The following KIF13A variants were observed in gnomAD, a reference collection of about 807,000 sequenced individuals.
KIF13A encodes the protein kinesin-like protein KIF13A.
In KIF13A, 79 loss-of-function variants were observed where a neutral mutation model predicts 212.2. That is an observed-to-expected ratio of 0.37 (90% CI 0.31 to 0.45). The LOEUF (loss-of-function observed/expected upper bound fraction) is 0.45. Among genes scored for constraint, KIF13A ranks in the 20% least tolerant of loss-of-function variants. The pLI, the probability that KIF13A is intolerant of heterozygous loss-of-function variation, is 1.00. For missense variants in KIF13A, 1,901 were observed against 2,209.0 expected, an observed-to-expected ratio of 0.86 and a Z score of 2.79; for synonymous variants, 789 against 808.6, an observed-to-expected ratio of 0.98 and a Z score of 0.41.
At position 17,777,983 on chromosome 6, in the gene KIF13A, C is replaced by CA. The variant is rs1760154295; in HGVS notation, c.4093-630dup. Reference sequence around the variant, plus strand: ...AAAACCCTGTTTCTACTAAAAAATACAAAAATTAGCTGGGCATGGTGGTGG... The same window carrying CA: ...AAAACCCTGTTTCTACTAAAAAATACAAAAAATTAGCTGGGCATGGTGGTGG... On this transcript the variant is annotated intron_variant, in intron 33 of 38. Coordinates refer to ENST00000259711, the MANE Select transcript of KIF13A (RefSeq NM_022113.6). The surrounding 1 kb of genome is among the most constrained non-coding windows in gnomAD (Gnocchi z 4.4). Among the ~76,000 whole-genome samples the CA allele has an allele frequency of 6.6e-6, 1 of 151,780 alleles. No homozygotes were observed. Among genetic ancestry groups the CA allele is most frequent in the African/African-American group, 2.4e-5 (1 of 41,310 alleles).
chr6:17,795,838 G>A (rs921085484), intron 23 of KIF13A, among the ~76,000 whole-genome samples: 7 of 152,074 alleles, frequency 4.6e-5, no homozygotes, highest in Non-Finnish European at 1.0e-4. Context: ...TTCTTCCATG[G>A]TTAGCACTTT....
Position 17,856,198 on chromosome 6 carries a change from T to C in KIF13A, c.221-76A>G. 9.9e-7 allele frequency: 1 copy of C among 1,010,792 alleles called. No individual in the cohort carries two copies. Among genetic ancestry groups the C allele is most frequent in the Non-Finnish European group, 1.5e-6 (1 of 663,476 alleles). 62.6% of individuals were successfully genotyped at this position (1,010,792 alleles called of 1,614,324 possible). A position where few individuals can be genotyped will look rare whatever the true frequency, so the allele number is the denominator to read the frequency against. On this transcript the variant is annotated intron_variant, in intron 4 of 38. Coordinates refer to ENST00000259711, the MANE Select transcript of KIF13A (RefSeq NM_022113.6). This position sits in a 1 kb window ranked among gnomAD's most constrained non-coding sequence, Gnocchi z 4.5. Reference sequence around the variant, plus strand: ...GACATATTTGTGTTAGTAACAATATTATGTCAATTCAAAAAAATGTTAAAA... The same window carrying C: ...GACATATTTGTGTTAGTAACAATATCATGTCAATTCAAAAAAATGTTAAAA...
rs1373646441 is a variant in KIF13A at position 17,825,452 on chromosome 6, G to T, written c.1786+316C>A. The stretch of plus-strand genomic sequence containing the variant: ...TCAAGGATTCAGATATGACAGGCTC[G>T]ATGATGAGAAATTTGGTAAGGAATT... On this transcript the variant is annotated intron_variant, in intron 16 of 38. Transcript: ENST00000259711. The surrounding 1 kb of genome is among the most constrained non-coding windows in gnomAD (Gnocchi z 4.5). Among the ~76,000 whole-genome samples, 1 of 152,072 alleles carries T rather than the reference G, an allele frequency of 6.6e-6. No individual in the cohort carries two copies. The highest frequency in any genetic ancestry group is 2.4e-5 in the African/African-American group (1 of 41,392).
intron 2 of KIF13A, among the ~76,000 whole-genome samples, chr6:17,939,774 C>G (rs777584261): frequency 6.6e-6 from 1 of 152,018 alleles, no homozygotes; most frequent in Non-Finnish European, 1.5e-5. Context: ...CTCACCTGGC[C>G]GGGCGTAGTG....
In KIF13A at chr6:17,825,025, AG is replaced by A. The variant is rs1764844518; in HGVS notation, c.1786+742del. On this transcript the variant is annotated intron_variant, in intron 16 of 38. Coordinates refer to ENST00000259711, the MANE Select transcript of KIF13A (RefSeq NM_022113.6). The surrounding 1 kb of genome is among the most constrained non-coding windows in gnomAD (Gnocchi z 4.5). ...GAAATGTCATCTTGTGGTTGGTAAC[AG>A]GTGAACATTGCTTCTGGCTTCTAAG... 6.6e-6 allele frequency among the ~76,000 whole-genome samples: 1 copy of A among 152,210 alleles called. No individual in the cohort carries two copies. The highest frequency in any genetic ancestry group is 2.4e-5 in the African/African-American group (1 of 41,450).
intron 16 of KIF13A, among the ~76,000 whole-genome samples, chr6:17,824,041 A>G (rs10949455): frequency 0.46 from 68,657 of 149,424 alleles, 15,980 homozygotes; most frequent in South Asian, 0.54. Flanking sequence ...CCGAGTAGCT[A>G]GGATTACAGC....
intron 33 of KIF13A, among the ~76,000 whole-genome samples, chr6:17,778,128 ACT>A (rs755724038): frequency 1.3e-5 from 2 of 152,188 alleles, no homozygotes; most frequent in Admixed American, 6.5e-5. Flanking sequence ...ACAGAGCAAG[ACT>A]CTGTCTCAAA....
Position 17,850,470 on chromosome 6 carries a change from C to T in KIF13A, c.583-13G>A. ...ATGACTCAATATCCTAGGGGCAAAG[C>T]ATAAGGAAAAGACCATAAGCAAAAA... On this transcript the variant is annotated splice_polypyrimidine_tract_variant and intron_variant, in intron 7 of 38. Coordinates refer to ENST00000259711, the MANE Select transcript of KIF13A (RefSeq NM_022113.6). The surrounding 1 kb of genome is among the most constrained non-coding windows in gnomAD (Gnocchi z 6.2). 5.0e-6 allele frequency: 8 copies of T among 1,606,694 alleles called. No individual in the cohort carries two copies. Among genetic ancestry groups the T allele is most frequent in the Non-Finnish European group, 6.8e-6 (8 of 1,176,306 alleles).
chr6:17,960,356 T>C (rs1034921498), intron 2 of KIF13A, among the ~76,000 whole-genome samples: 1 of 152,236 alleles, frequency 6.6e-6, no homozygotes, highest in African/African-American at 2.4e-5. Flanking sequence ...CACCAATGTT[T>C]GTTGACTAAA....
In KIF13A at chr6:17,826,731, A is replaced by G. The variant is rs1348190794; in HGVS notation, c.1533-607T>C. 2.0e-5 allele frequency among the ~76,000 whole-genome samples: 3 copies of G among 152,196 alleles called. No homozygotes were observed. Among genetic ancestry groups the G allele is most frequent in the Non-Finnish European group, 4.4e-5 (3 of 68,036 alleles). ...AAACAACTGAAAAAGAAAACTGATG[A>G]GACAACTGGGGAAATCTGAACACTG... On this transcript the variant is annotated intron_variant, in intron 14 of 38. Transcript: ENST00000259711. This position sits in a 1 kb window ranked among gnomAD's most constrained non-coding sequence, Gnocchi z 4.7.
intron 18 of KIF13A, 34 bp downstream of exon 18, chr6:17,808,734 G>T: frequency 6.3e-7 from 1 of 1,588,150 alleles, no homozygotes; most frequent in Non-Finnish European, 8.6e-7. Context: ...TTACTATTGT[G>T]CATCTTGCCC....
At chr6:17,944,910 T>A (rs1777255670) in intron 2 of KIF13A, among the ~76,000 whole-genome samples, 1 of 152,182 alleles carries the variant, frequency 6.6e-6, no homozygotes, top group Non-Finnish European at 1.5e-5. Context: ...ACAAAGTTAC[T>A]GCCTGTAAGT....
chr6:17,880,961 T>A (rs767587885), intron 3 of KIF13A, among the ~76,000 whole-genome samples: 2 of 152,170 alleles, frequency 1.3e-5, no homozygotes, highest in Admixed American at 6.5e-5. Flanking sequence ...CAACCAAGTA[T>A]AAATTTTACA....
Position 17,898,124 on chromosome 6 carries a change from C to T in KIF13A, c.159+44G>A, listed in dbSNP as rs930177754. 61 of 1,592,700 alleles carry T rather than the reference C, an allele frequency of 3.8e-5. No individual in the cohort carries two copies. Among genetic ancestry groups the T allele is most frequent in the Non-Finnish European group, 5.1e-5 (59 of 1,165,220 alleles). The stretch of plus-strand genomic sequence containing the variant: ...TACAGTGATAAATCCTGGATTTTTG[C>T]ACACTAAGCCAGTATACATGCCAAA... On this transcript the variant is annotated intron_variant, in intron 3 of 38. Transcript: ENST00000259711. The surrounding 1 kb of genome is among the most constrained non-coding windows in gnomAD (Gnocchi z 5.2).
rs141828095 is a variant in KIF13A at position 17,856,234 on chromosome 6, G to A, written c.221-112C>T. ...AAAAAAATGTTAAAAGTGTAGTACC[G>A]AGTGCCCACTAAGTACAGGGCTGTG... On this transcript the variant is annotated intron_variant, in intron 4 of 38. Transcript: ENST00000259711. This position sits in a 1 kb window ranked among gnomAD's most constrained non-coding sequence, Gnocchi z 4.5. 7.0e-6 allele frequency: 5 copies of A among 709,784 alleles called. No individual in the cohort carries two copies. Among genetic ancestry groups the A allele is most frequent in the Admixed American group, 4.8e-5 (2 of 41,450 alleles). 44.0% of individuals were successfully genotyped at this position (709,784 alleles called of 1,614,324 possible).
At position 17,961,124 on chromosome 6, in the gene KIF13A, T is replaced by A. The variant is rs898479219; in HGVS notation, c.146+25930A>T. Reference sequence around the variant, plus strand: ...AGAAAGATTCTTAAAGGAAGACGTATGCTGAAACATCCAAAAGGAACCAAT... The same window carrying A: ...AGAAAGATTCTTAAAGGAAGACGTAAGCTGAAACATCCAAAAGGAACCAAT... On this transcript the variant is annotated intron_variant, in intron 2 of 38. Coordinates refer to ENST00000259711, the MANE Select transcript of KIF13A (RefSeq NM_022113.6). This position sits in a 1 kb window ranked among gnomAD's most constrained non-coding sequence, Gnocchi z 4.1. 6.6e-6 allele frequency among the ~76,000 whole-genome samples: 1 copy of A among 152,214 alleles called. No homozygotes were observed. Among genetic ancestry groups the A allele is most frequent in the Non-Finnish European group, 1.5e-5 (1 of 68,050 alleles).
chr6:17,779,236 C>CATATATATATATATATATATAT (rs149719669), intron 32 of KIF13A, 137 bp from the exon 33 acceptor site: 1 of 253,888 alleles, frequency 3.9e-6, no homozygotes, highest in South Asian at 3.5e-5. Flanking sequence ...TTTAAAGTAG[C>CATATATATATATATATATATAT]ATATATATAT....
At chr6:17,938,246 A>G (rs1468795550) in intron 2 of KIF13A, among the ~76,000 whole-genome samples, 1 of 152,196 alleles carries the variant, frequency 6.6e-6, no homozygotes, top group African/African-American at 2.4e-5. Flanking sequence ...ATGATTTATT[A>G]CAACCCAATT....
rs1168299777 is a variant in KIF13A, at chr6:17,771,335, T to C, written c.4477-117A>G. ...TAACACTCTTATTACATGTGAGTAA[T>C]GCAGCAGCCAATTCTGCAGGCCAGA... On this transcript the variant is annotated intron_variant, in intron 37 of 38. Transcript: ENST00000259711. The surrounding 1 kb of genome is among the most constrained non-coding windows in gnomAD (Gnocchi z 5.4). 3 of 657,340 alleles carry C rather than the reference T, an allele frequency of 4.6e-6. No individual in the cohort carries two copies. The highest frequency in any genetic ancestry group is 8.1e-6 in the Non-Finnish European group (3 of 368,188). The allele number at this position is 657,340 out of a possible 1,614,324, so 40.7% of individuals were successfully genotyped here. A position where few individuals can be genotyped will look rare whatever the true frequency, so the allele number is the denominator to read the frequency against.
Sources: allele counts gnomAD v4.1 joint callset (sites outside exome capture counted in the v4.1 genomes callset), GRCh38; gene constraint gnomAD v4.1.1; non-coding constraint Gnocchi (gnomAD v3.1); transcripts MANE v1.5; gene names NCBI Gene and HGNC (gene_info 2026-07-23, HGNC 2026-07-21).